The following TMTC1 variants were observed in gnomAD, a reference collection of about 807,000 sequenced individuals.
TMTC1 encodes the protein protein O-mannosyl-transferase TMTC1.
In TMTC1, 73 loss-of-function variants were observed where a neutral mutation model predicts 104.8. The observed-to-expected ratio is 0.70, with a 90% CI of 0.58 to 0.85. The LOEUF (loss-of-function observed/expected upper bound fraction) is 0.85. TMTC1 is among the 40% of genes least tolerant of loss of function. The pLI, the probability that TMTC1 is intolerant of heterozygous loss-of-function variation, is 0.00. For missense variants in TMTC1, 1,035 were observed against 1,096.1 expected, an observed-to-expected ratio of 0.94 and a Z score of 0.79; for synonymous variants, 434 against 428.7, an observed-to-expected ratio of 1.01 and a Z score of -0.15.
intron 5 of TMTC1, among the ~76,000 whole-genome samples, chr12:29,739,618 C>T (rs552027900): frequency 6.5e-4 from 99 of 152,288 alleles, no homozygotes; most frequent in African/African-American, 2.2e-3. Context: ...CACAGGAATT[C>T]TGTCTATTTC....
chr12:29,655,408 A>G (rs1269468773), intron 5 of TMTC1, among the ~76,000 whole-genome samples: 1 of 152,222 alleles, frequency 6.6e-6, no homozygotes, highest in Non-Finnish European at 1.5e-5. Context: ...CTAATATTTT[A>G]AGTTTTATTT....
chr12:29,743,794 T>TA (rs1942885307), intron 5 of TMTC1, among the ~76,000 whole-genome samples: 1 of 152,094 alleles, frequency 6.6e-6, no homozygotes, highest in Admixed American at 6.6e-5. Context: ...TAGGTTACAT[T>TA]AAAAAAGAGA....
At chr12:29,640,334 A>C (rs900077479) in intron 5 of TMTC1, among the ~76,000 whole-genome samples, 61 of 141,774 alleles carry the variant, frequency 4.3e-4, no homozygotes, top group African/African-American at 1.7e-3. Context: ...TGGACAGAGC[A>C]GCGAGGGGGG....
chr12:29,737,766 C>T (rs1418715625), intron 5 of TMTC1, among the ~76,000 whole-genome samples: 2 of 152,136 alleles, frequency 1.3e-5, no homozygotes, highest in South Asian at 2.1e-4. Flanking sequence ...TCCTGCTGAG[C>T]GAATGATATG....
chr12:29,754,436 C>T (rs1943167437), intron 4 of TMTC1, among the ~76,000 whole-genome samples: 1 of 152,120 alleles, frequency 6.6e-6, no homozygotes, highest in South Asian at 2.1e-4. Context: ...TGGACTGGAC[C>T]ACGTGAGAGA....
chr12:29,533,297 A>G (rs1283279188), intron 11 of TMTC1: 1 of 152,214 alleles, frequency 6.6e-6, no homozygotes, highest in East Asian at 1.9e-4. Flanking sequence ...CAACAGAGTA[A>G]GGAACACAAT....
At chr12:29,767,812 G>GTATA (rs35316467) in intron 2 of TMTC1, 86 bp downstream of exon 2, 101 of 1,148,400 alleles carry the variant, frequency 8.8e-5, no homozygotes, top group Admixed American at 2.0e-4. Context: ...ATATTTACAT[G>GTATA]TATATATATG....
chr12:29,724,774 T>C (rs1462341388), intron 5 of TMTC1, among the ~76,000 whole-genome samples: 2 of 151,862 alleles, frequency 1.3e-5, no homozygotes, highest in Non-Finnish European at 2.9e-5. Flanking sequence ...ATGTTACCTC[T>C]GAGGATACTG....
chr12:29,684,813 G>A (rs1404867683), intron 5 of TMTC1, among the ~76,000 whole-genome samples: 2 of 152,124 alleles, frequency 1.3e-5, no homozygotes, highest in Non-Finnish European at 2.9e-5. Flanking sequence ...CACACAGTTG[G>A]CTGTAATTAT....
At position 29,521,906 on chromosome 12, in the gene TMTC1, T is replaced by C. The variant is rs182558161; in HGVS notation, c.1786-1186A>G. On this transcript the variant is annotated intron_variant, in intron 11 of 17. Transcript: ENST00000539277. ...TTTTCACAACCATTAGAGACTGTTA[T>C]GTCACACTTACTTTTACTATACAGA... Among the ~76,000 whole-genome samples, 957 of 152,312 alleles carry C rather than the reference T, an allele frequency of 6.3e-3. 8 individuals are homozygous for C. Among genetic ancestry groups the C allele is most frequent in the Non-Finnish European group, 9.9e-3 (673 of 68,022 alleles).
At chr12:29,699,049 C>A (rs1941505257) in intron 5 of TMTC1, among the ~76,000 whole-genome samples, 1 of 152,188 alleles carries the variant, frequency 6.6e-6, no homozygotes, top group South Asian at 2.1e-4. Context: ...TTTATGTGCA[C>A]ATGTTGAATC....
At chr12:29,561,724 T>C (rs929061314) in intron 9 of TMTC1, among the ~76,000 whole-genome samples, 1 of 152,242 alleles carries the variant, frequency 6.6e-6, no homozygotes, top group African/African-American at 2.4e-5. Flanking sequence ...TTTCATTATC[T>C]GAGTGCCGTA....
intron 11 of TMTC1, among the ~76,000 whole-genome samples, chr12:29,527,378 C>T (rs1184461303): frequency 6.6e-6 from 1 of 152,178 alleles, no homozygotes; most frequent in Admixed American, 6.5e-5. Flanking sequence ...ACCTTCACCA[C>T]TGAGTGGAAT....
chr12:29,676,653 T>G (rs1418752465), intron 5 of TMTC1, among the ~76,000 whole-genome samples: 1 of 152,222 alleles, frequency 6.6e-6, no homozygotes, highest in African/African-American at 2.4e-5. Context: ...AGCGATGCAC[T>G]GGGCACAGTC....
chr12:29,601,749 T>C (rs1449166655), intron 7 of TMTC1, among the ~76,000 whole-genome samples: 1 of 152,050 alleles, frequency 6.6e-6, no homozygotes, highest in Non-Finnish European at 1.5e-5. Context: ...ATCAGCTACC[T>C]CAGGGAACTG....
intron 10 of TMTC1, among the ~76,000 whole-genome samples, chr12:29,549,724 T>C (rs543208026): frequency 1.3e-5 from 2 of 152,100 alleles, no homozygotes; most frequent in Admixed American, 6.5e-5. Context: ...ATATTCTAAG[T>C]AAAAGTAAGG....
chr12:29,752,201 A>G (rs538547731), intron 4 of TMTC1, among the ~76,000 whole-genome samples: 7 of 152,130 alleles, frequency 4.6e-5, no homozygotes, highest in East Asian at 3.9e-4. Context: ...TTCTCTCAGA[A>G]TATTTGGTTG....
At chr12:29,632,856 C>T (rs1938365255) in intron 6 of TMTC1, among the ~76,000 whole-genome samples, 1 of 152,164 alleles carries the variant, frequency 6.6e-6, no homozygotes, top group Non-Finnish European at 1.5e-5. Flanking sequence ...TTATTTACCA[C>T]AATTTCATTT....
chr12:29,693,525 T>C (rs11050381), intron 5 of TMTC1, among the ~76,000 whole-genome samples: 20,264 of 146,182 alleles, frequency 0.14, 1,892 homozygotes, highest in East Asian at 0.35. Context: ...TCCCCTTCGT[T>C]CCCCACCCGT....
Sources: allele counts gnomAD v4.1 joint callset (sites outside exome capture counted in the v4.1 genomes callset), GRCh38; gene constraint gnomAD v4.1.1; transcripts MANE v1.5; gene names NCBI Gene and HGNC (gene_info 2026-07-23, HGNC 2026-07-21).